The following CTNNA2 variants were observed in gnomAD, a reference collection of about 807,000 sequenced individuals.
The protein encoded by CTNNA2 is catenin alpha 2.
CTNNA2 carries 42 observed loss-of-function variants against 101.0 expected under a neutral mutation model. The observed-to-expected ratio is 0.42, with a 90% confidence interval of 0.32 to 0.54. The LOEUF is 0.54. CTNNA2 is among the 20% of genes least tolerant of loss of function. The pLI, the probability that CTNNA2 is intolerant of heterozygous loss-of-function variation, is 0.14. For synonymous variants in CTNNA2, 450 were observed against 456.4 expected (o/e 0.99, Z 0.18); for missense variants, 871 against 1,223.1 (o/e 0.71, Z 4.29).
At chr2:79,767,669 T>C (rs552221605) in intron 3 of CTNNA2, among the ~76,000 whole-genome samples, 1 of 152,102 alleles carries the variant, frequency 6.6e-6, no homozygotes, top group African/African-American at 2.4e-5. Flanking sequence ...GAGACTCTTG[T>C]TCTCCTCCCT....
At chr2:80,364,388 C>T (rs908053879) in intron 7 of CTNNA2, among the ~76,000 whole-genome samples, 2 of 151,948 alleles carry the variant, frequency 1.3e-5, no homozygotes, top group African/African-American at 4.8e-5. Context: ...TCTCCTTTCC[C>T]TTTTTAAAAC....
At chr2:80,259,057 C>T (rs1672393788) in intron 7 of CTNNA2, among the ~76,000 whole-genome samples, 1 of 152,104 alleles carries the variant, frequency 6.6e-6, no homozygotes, top group South Asian at 2.1e-4. Flanking sequence ...TTCTGAAACC[C>T]TGTCCCAGCC....
rs77974536 is a variant in CTNNA2 at position 79,200,147 on chromosome 2, G to C, written c.-406+2071G>C. Among the ~76,000 whole-genome samples the C allele has an allele frequency of 7.0e-3, 1,072 of 152,246 alleles. 5 individuals are homozygous for C. The highest frequency in any genetic ancestry group is 0.012 in the Non-Finnish European group (812 of 68,024). ...GCCTGTAATCCCAGCATTTTGGGAG[G>C]CCAAGGAGAGTGGATCATTTGAGGT... On this transcript the variant is annotated intron_variant, in intron 2 of 21. Transcript: ENST00000466387.
chr2:79,966,054 A>G (rs1488444139), intron 7 of CTNNA2, among the ~76,000 whole-genome samples: 4 of 151,982 alleles, frequency 2.6e-5, no homozygotes, highest in African/African-American at 9.7e-5. Flanking sequence ...CATATCCAAA[A>G]GAGATGCTCG....
intron 3 of CTNNA2, among the ~76,000 whole-genome samples, chr2:79,787,909 G>T (rs1393073151): frequency 6.6e-6 from 1 of 151,894 alleles, no homozygotes; most frequent in African/African-American, 2.4e-5. Flanking sequence ...GCTATATAAG[G>T]TAACAAATTC....
intron 7 of CTNNA2, among the ~76,000 whole-genome samples, chr2:80,268,965 G>T (rs770557521): frequency 3.3e-5 from 5 of 152,144 alleles, no homozygotes; most frequent in African/African-American, 4.8e-5. Flanking sequence ...AAGTAGCAAA[G>T]TTCATGCAAG....
chr2:80,609,805 C>T (rs1484009421), intron 17 of CTNNA2, among the ~76,000 whole-genome samples: 1 of 151,706 alleles, frequency 6.6e-6, no homozygotes, highest in Non-Finnish European at 1.5e-5. Context: ...GGATCTCAGA[C>T]TCCACAACCT....
At chr2:79,572,707 A>G (rs2566544) in intron 1 of CTNNA2, among the ~76,000 whole-genome samples, 94,193 of 152,094 alleles carry the variant, frequency 0.62, 30,626 homozygotes, top group Middle Eastern at 0.75. Flanking sequence ...AACCAAGATC[A>G]CGCTGCTGCA....
chr2:79,872,716 A>G (rs547012697), intron 5 of CTNNA2, among the ~76,000 whole-genome samples: 1 of 152,204 alleles, frequency 6.6e-6, no homozygotes, highest in East Asian at 1.9e-4. Context: ...TTGTCTCAGA[A>G]TTGTTTTGAC....
At chr2:80,379,059 A>G (rs763470072) in intron 7 of CTNNA2, among the ~76,000 whole-genome samples, 7 of 152,092 alleles carry the variant, frequency 4.6e-5, no homozygotes, top group Non-Finnish European at 8.8e-5. Context: ...GGGCATAATT[A>G]CAAGGGAACG....
intron 7 of CTNNA2, among the ~76,000 whole-genome samples, chr2:80,168,105 T>G (rs575488748): frequency 1.5e-3 from 225 of 152,132 alleles, no homozygotes; most frequent in Non-Finnish European, 2.8e-3. Flanking sequence ...ATCTCCTGAA[T>G]AGGTATCAGA....
chr2:79,251,235 G>A (rs1338090964), intron 2 of CTNNA2, among the ~76,000 whole-genome samples: 2 of 152,148 alleles, frequency 1.3e-5, no homozygotes, highest in African/African-American at 4.8e-5. Context: ...GAAGCAGGCT[G>A]CAGCCACTTC....
At chr2:80,342,328 T>A (rs903782025) in intron 7 of CTNNA2, among the ~76,000 whole-genome samples, 1 of 152,176 alleles carries the variant, frequency 6.6e-6, no homozygotes, top group African/African-American at 2.4e-5. Context: ...CCAGACAACA[T>A]ATAAGTACAT....
At position 79,651,634 on chromosome 2, in the gene CTNNA2, G is replaced by C. The variant is rs1264391119; in HGVS notation, c.78G>C (p.Arg26Ser). 3.1e-6 allele frequency: 5 copies of C among 1,613,762 alleles called. No individual in the cohort carries two copies. Among genetic ancestry groups the C allele is most frequent in the East Asian group, 2.2e-5 (1 of 44,868 alleles). Residue 26 changes from arginine (R) to serine (S), a missense_variant, in exon 2 of 19, where the codon AGG (arginine) becomes AGC (serine). By Grantham distance (110) the Arg-to-Ser change is moderately radical. Transcript: ENST00000402739. ...AAATCCGGACGCTAACAGTGGAAAGGCTGTTGGAGCCACTTGTTACACAGG... is the reference window on the plus strand; with the variant it reads ...AAATCCGGACGCTAACAGTGGAAAGCCTGTTGGAGCCACTTGTTACACAGG... ...SLEIRTLTVE[R>S]LLEPLVTQVT...
chr2:80,338,230 C>A (rs1335159592), intron 7 of CTNNA2, among the ~76,000 whole-genome samples: 1 of 151,710 alleles, frequency 6.6e-6, no homozygotes, highest in Non-Finnish European at 1.5e-5. Context: ...CTTAGGTGAT[C>A]TTCCCGCCTT....
intron 2 of CTNNA2, among the ~76,000 whole-genome samples, chr2:79,701,867 T>A (rs1685024228): frequency 6.6e-6 from 1 of 151,962 alleles, no homozygotes. Flanking sequence ...CCAGGCATGA[T>A]GGTGCATACC....
At chr2:79,760,807 T>G (rs1672739826) in intron 3 of CTNNA2, among the ~76,000 whole-genome samples, 1 of 152,214 alleles carries the variant, frequency 6.6e-6, no homozygotes, top group Non-Finnish European at 1.5e-5. Flanking sequence ...TCATGACCCT[T>G]CTTTTAGAAA....
chr2:79,946,095 C>T (rs1390478737), intron 7 of CTNNA2, among the ~76,000 whole-genome samples: 2 of 152,040 alleles, frequency 1.3e-5, no homozygotes, highest in African/African-American at 2.4e-5. Context: ...AAGATAATAC[C>T]TCATTAGAGT....
intron 9 of CTNNA2, among the ~76,000 whole-genome samples, chr2:80,501,606 C>T (rs1318273878): frequency 6.6e-6 from 1 of 152,162 alleles, no homozygotes; most frequent in East Asian, 1.9e-4. Flanking sequence ...GAAGTTGTAT[C>T]TTGGGTTCAT....
Sources: gnomAD v4.1 joint callset for allele counts (sites outside exome capture counted in the v4.1 genomes callset) on GRCh38, gnomAD v4.1.1 for gene constraint, MANE v1.5 for transcripts, NCBI Gene and HGNC (gene_info 2026-07-23, HGNC 2026-07-21) for gene names.